Variants in TTC21B observed in about 807,000 individuals in gnomAD.
The protein encoded by TTC21B is tetratricopeptide repeat domain 21B.
In TTC21B, 127 loss-of-function variants were observed where a neutral mutation model predicts 175.1. That is an observed-to-expected ratio of 0.73 (90% CI 0.63 to 0.84). The LOEUF (loss-of-function observed/expected upper bound fraction) is 0.84, where lower values mean the gene tolerates loss of function less well. Ranked by LOEUF, TTC21B falls within the 40% of genes least tolerant of loss-of-function variation. TTC21B has a pLI of 0.00. For missense variants in TTC21B, 1,561 were observed against 1,558.3 expected, an observed-to-expected ratio of 1.00 and a Z score of -0.03; for synonymous variants, 524 against 524.5, an observed-to-expected ratio of 1.00 and a Z score of 0.01.
chr2:165,917,661 G>A (rs1453966091), intron 13 of TTC21B, among the ~76,000 whole-genome samples, 180 bp from the exon 14 acceptor site: 1 of 152,104 alleles, frequency 6.6e-6, no homozygotes, highest in East Asian at 1.9e-4. Flanking sequence ...ATCGGATTCA[G>A]GAAAATTGCT....
rs904124805 is a variant in TTC21B, at chr2:165,949,842, T to A, written c.22-118A>T. The A allele has an allele frequency of 4.0e-6, 4 of 998,012 alleles. No homozygotes were observed. In the East Asian group the frequency reaches 1.0e-4, roughly 26 times the overall value. The allele number at this position is 998,012 out of a possible 1,614,324, so 61.8% of individuals were successfully genotyped here. A position where few individuals can be genotyped will look rare whatever the true frequency, so the allele number is the denominator to read the frequency against. On this transcript the variant is annotated intron_variant, in intron 1 of 28. Transcript: ENST00000243344. ...TAAAATTCAGGCAATGTGACTTTTT[T>A]CTTCCAAGTTTCTTAAAATACTATT...
chr2:165,879,376 A>G (rs897838156), intron 27 of TTC21B, among the ~76,000 whole-genome samples: 1 of 152,252 alleles, frequency 6.6e-6, no homozygotes, highest in African/African-American at 2.4e-5. Context: ...CCTTAGAATA[A>G]AAAATACTAT....
intron 9 of TTC21B, among the ~76,000 whole-genome samples, 161 bp from the exon 10 acceptor site, chr2:165,929,908 A>G (rs1283983812): frequency 6.6e-6 from 1 of 152,108 alleles, no homozygotes; most frequent in African/African-American, 2.4e-5. Flanking sequence ...GAGTGAAAGA[A>G]AATAAAATGG....
chr2:165,913,479 A>C, intron 16 of TTC21B, 95 bp downstream of exon 16: 2 of 816,882 alleles, frequency 2.4e-6, no homozygotes, highest in Non-Finnish European at 4.1e-6. Flanking sequence ...TTCAAATATT[A>C]AACATTATTT....
At chr2:165,930,477 AAG>A in intron 8 of TTC21B, 113 bp from the exon 9 acceptor site, 1 of 715,630 alleles carries the variant, frequency 1.4e-6, no homozygotes. Flanking sequence ...AGTGATGAAA[AAG>A]AAAAAAATTA....
At chr2:165,927,924 G>A (rs1416754908) in intron 11 of TTC21B, among the ~76,000 whole-genome samples, 2 of 152,214 alleles carry the variant, frequency 1.3e-5, no homozygotes, top group Non-Finnish European at 2.9e-5. Flanking sequence ...TTTCAGCAAT[G>A]GAACGCTTGA....
Position 165,941,019 on chromosome 2 carries a change from T to C in TTC21B, c.710+8A>G, listed in dbSNP as rs1380149070. 2 of 1,613,752 alleles carry C rather than the reference T, an allele frequency of 1.2e-6. No homozygotes were observed. On this transcript the variant is annotated splice_region_variant and intron_variant, in intron 6 of 28. Coordinates refer to ENST00000243344, the MANE Select transcript of TTC21B (RefSeq NM_024753.5). Reference sequence around the variant, plus strand: ...CAAAGAGACTTGTGTCATCTTTTATTACTTAACCTTTGTGCTGTCTCAACT... The same window carrying C: ...CAAAGAGACTTGTGTCATCTTTTATCACTTAACCTTTGTGCTGTCTCAACT...
intron 19 of TTC21B, among the ~76,000 whole-genome samples, chr2:165,905,903 T>C (rs1475507590): frequency 6.6e-6 from 1 of 152,136 alleles, no homozygotes; most frequent in Non-Finnish European, 1.5e-5. Flanking sequence ...CAAGTCCACA[T>C]GGAACCTTTA....
chr2:165,885,980 G>A (rs1049454756), intron 25 of TTC21B, among the ~76,000 whole-genome samples: 2 of 152,168 alleles, frequency 1.3e-5, no homozygotes, highest in Admixed American at 6.5e-5. Flanking sequence ...ATGAAAGCAA[G>A]TGGAAACACT....
intron 9 of TTC21B, 114 bp from the exon 10 acceptor site, chr2:165,929,861 GT>G: frequency 2.6e-6 from 2 of 766,690 alleles, no homozygotes; most frequent in Non-Finnish European, 4.5e-6. Flanking sequence ...AATACTTAAC[GT>G]TTTAGATTAA....
At chr2:165,903,585 C>T (rs1482702950) in intron 19 of TTC21B, among the ~76,000 whole-genome samples, 2 of 152,050 alleles carry the variant, frequency 1.3e-5, no homozygotes, top group African/African-American at 2.4e-5. Flanking sequence ...ACTTCAGGAC[C>T]GTAAGCAAGA....
In TTC21B at chr2:165,944,154, T is replaced by G. The variant is rs1222379229; in HGVS notation, c.430-813A>C. Among the ~76,000 whole-genome samples the G allele has an allele frequency of 2.6e-5, 4 of 152,174 alleles. No homozygotes were observed. In the East Asian group the frequency reaches 7.7e-4, roughly 29 times the overall value. On this transcript the variant is annotated intron_variant, in intron 4 of 28. Transcript: ENST00000243344. The stretch of plus-strand genomic sequence containing the variant: ...TGAATGGTTTTAACTATTGTCTCTG[T>G]GTGGATGATTCCCAACCTATATTTC...
chr2:165,923,742 G>GTTT (rs1481607335), intron 12 of TTC21B, among the ~76,000 whole-genome samples: 1 of 86,882 alleles, frequency 1.2e-5, no homozygotes, highest in East Asian at 3.6e-4. Context: ...ACGCCCAGCT[G>GTTT]GTTTTTTTTT....
At chr2:165,912,932 G>A (rs1686007939) in intron 16 of TTC21B, among the ~76,000 whole-genome samples, 1 of 152,166 alleles carries the variant, frequency 6.6e-6, no homozygotes, top group South Asian at 2.1e-4. Flanking sequence ...GCCAGTTATA[G>A]AGGGCTGAAG....
chr2:165,929,562 C>A, intron 10 of TTC21B, 88 bp downstream of exon 10: 1 of 1,010,982 alleles, frequency 9.9e-7, no homozygotes, highest in Non-Finnish European at 1.5e-6. Flanking sequence ...TAGTGCTTTA[C>A]AGCCATTACA....
intron 4 of TTC21B, 102 bp from the exon 5 acceptor site, chr2:165,943,443 G>T: frequency 1.1e-6 from 1 of 913,500 alleles, no homozygotes; most frequent in South Asian, 1.5e-5. Context: ...TAACAAAAAG[G>T]ACTCTATCAA....
chr2:165,924,196 C>G (rs1686533145), intron 12 of TTC21B, among the ~76,000 whole-genome samples: 1 of 152,138 alleles, frequency 6.6e-6, no homozygotes, highest in Non-Finnish European at 1.5e-5. Context: ...TTCATTAGGG[C>G]CTGAAATCTG....
Position 165,880,770 on chromosome 2 carries a change from T to A in TTC21B, c.3714A>T (p.Gly1238=), listed in dbSNP as rs760683105. 1.1e-5 allele frequency: 18 copies of A among 1,612,884 alleles called. No individual in the cohort carries two copies. Among genetic ancestry groups the A allele is most frequent in the Non-Finnish European group, 1.4e-5 (16 of 1,179,662 alleles). The change falls in exon 27 of 29, where the codon GGA becomes GGT. Residue 1238 remains glycine (G), a synonymous_variant. Transcript: ENST00000243344. ...RSCCKAYEYM[G]YIMEKEQAYT... ...ATGCTTGCTCTTTTTCCATAATGTA[T>A]CCCATATATTCATAAGCTTTGCAGC...
chr2:165,886,865 T>C lies in TTC21B; in HGVS notation c.3459+1414A>G, dbSNP rs138591501. On this transcript the variant is annotated intron_variant, in intron 25 of 28. Transcript: ENST00000243344. The stretch of plus-strand genomic sequence containing the variant: ...ATGTTCCTAGAGATTCTCTTAGATG[T>C]ACATGATTGCCCTACTTCTGCTCTG... Among the ~76,000 whole-genome samples the C allele has an allele frequency of 1.7e-3, 256 of 152,310 alleles. 1 individual carries two copies. The highest frequency in any genetic ancestry group is 5.7e-3 in the African/African-American group (235 of 41,560).
Sources: gnomAD v4.1 joint callset for allele counts (sites outside exome capture counted in the v4.1 genomes callset) on GRCh38, gnomAD v4.1.1 for gene constraint, MANE v1.5 for transcripts, NCBI Gene and HGNC (gene_info 2026-07-23, HGNC 2026-07-21) for gene names.